Variants in PCDHGB2 observed in about 807,000 individuals in gnomAD.
The protein encoded by PCDHGB2 is protocadherin gamma-B2.
Under a neutral mutation model 59.3 loss-of-function variants are expected in PCDHGB2, and 55 were observed. That is an observed-to-expected ratio of 0.93 (90% CI 0.75 to 1.16). The LOEUF (loss-of-function observed/expected upper bound fraction) is 1.16. Among genes scored for constraint, PCDHGB2 ranks in the 50% most tolerant of loss-of-function variants. PCDHGB2 has a pLI of 0.00. For missense variants in PCDHGB2, 1,228 were observed against 1,198.5 expected, an observed-to-expected ratio of 1.02 and a Z score of -0.36; for synonymous variants, 516 against 512.0, an observed-to-expected ratio of 1.01 and a Z score of -0.11.
chr5:141,505,343 G>C (rs2099845454), intron 2 of PCDHGB2, 50 bp from the exon 3 acceptor site: 1 of 1,612,934 alleles, frequency 6.2e-7, no homozygotes, highest in Non-Finnish European at 8.5e-7. Context: ...GGAGGGGCAT[G>C]AGCTGTGCCG....
rs1210691847 is a variant in PCDHGB2, at chr5:141,432,985, C to T, written c.2422-61822C>T. The stretch of plus-strand genomic sequence containing the variant: ...GAGCGCCGGCGTCGCACTTTGTGGG[C>T]GTGGACGGGGTGCAGGCTTTCCTGC... On this transcript the variant is annotated intron_variant, in intron 1 of 3. Transcript: ENST00000522605. The surrounding 1 kb of genome is among the most constrained non-coding windows in gnomAD (Gnocchi z 6.0). The T allele has an allele frequency of 3.1e-6, 5 of 1,614,176 alleles. No individual in the cohort carries two copies. The highest frequency in any genetic ancestry group is 4.2e-6 in the Non-Finnish European group (5 of 1,180,034).
Position 141,494,770 on chromosome 5 carries a change from C to T in PCDHGB2, c.2422-37C>T, listed in dbSNP as rs767006872. 43 of 1,614,022 alleles carry T rather than the reference C, an allele frequency of 2.7e-5. No homozygotes were observed. In the East Asian group the frequency reaches 7.6e-4, roughly 28 times the overall value. On this transcript the variant is annotated intron_variant, in intron 1 of 3. Coordinates refer to ENST00000522605, the MANE Select transcript of PCDHGB2 (RefSeq NM_018923.3). ...GCTCGGGTGACATTCTAACTTCTCA[C>T]GGGTACTCAGCCCCTTTCCCTCTGT...
In PCDHGB2 at chr5:141,486,070, T is replaced by G; in HGVS notation, c.2422-8737T>G. The G allele has an allele frequency of 6.2e-7, 1 of 1,614,158 alleles. No individual in the cohort carries two copies. Among genetic ancestry groups the G allele is most frequent in the Non-Finnish European group, 8.5e-7 (1 of 1,180,010 alleles). On this transcript the variant is annotated intron_variant, in intron 1 of 3. Coordinates refer to ENST00000522605, the MANE Select transcript of PCDHGB2 (RefSeq NM_018923.3). This position sits in a 1 kb window ranked among gnomAD's most constrained non-coding sequence, Gnocchi z 5.0. ...ACCTCTTTAGCCTGCACCCCACTAC[T>G]GGAAAGCTTACTCTTTTGGGGCCCC...
At chr5:141,413,316 T>C (rs769316460) in intron 1 of PCDHGB2, 13 of 1,613,976 alleles carry the variant, frequency 8.1e-6, no homozygotes, top group Non-Finnish European at 1.1e-5. Flanking sequence ...AGAAAGGCTC[T>C]TTCGTGGGCA....
chr5:141,392,931 G>A (rs2092632355), intron 1 of PCDHGB2: 2 of 1,613,802 alleles, frequency 1.2e-6, no homozygotes, highest in Admixed American at 1.7e-5. Context: ...AGAAGAGACG[G>A]ACAAAGGCTC....
intron 1 of PCDHGB2, chr5:141,388,620 G>A (rs2091421768): frequency 6.2e-7 from 1 of 1,613,912 alleles, no homozygotes; most frequent in East Asian, 2.2e-5. Flanking sequence ...CAGTCAAGAC[G>A]TATACAGGGT....
Position 141,423,257 on chromosome 5 carries a change from G to T in PCDHGB2, c.2421+60701G>T, listed in dbSNP as rs1412429501. ...ATCCCCGAAGTCCTGGCGGACCTCG[G>T]CAGCCTCGAGTCTCTGGCTAACTCT... On this transcript the variant is annotated intron_variant, in intron 1 of 3. Transcript: ENST00000522605. The T allele has an allele frequency of 8.7e-6, 14 of 1,613,946 alleles. No individual in the cohort carries two copies. The highest frequency in any genetic ancestry group is 1.3e-5 in the African/African-American group (1 of 75,060).
Position 141,414,535 on chromosome 5 carries a change from C to T in PCDHGB2, c.2421+51979C>T, listed in dbSNP as rs2095756820. The T allele has an allele frequency of 6.2e-7, 1 of 1,613,962 alleles. No individual in the cohort carries two copies. On this transcript the variant is annotated intron_variant, in intron 1 of 3. Coordinates refer to ENST00000522605, the MANE Select transcript of PCDHGB2 (RefSeq NM_018923.3). The stretch of plus-strand genomic sequence containing the variant: ...AGTGGCAGATATCAATGACAACCCA[C>T]CTACCTTCTCTCAAGTCTCCTACTT...
At position 141,487,267 on chromosome 5, in the gene PCDHGB2, G is replaced by A; in HGVS notation, c.2422-7540G>A. 3 of 1,614,134 alleles carry A rather than the reference G, an allele frequency of 1.9e-6. No individual in the cohort carries two copies. The highest frequency in any genetic ancestry group is 2.5e-6 in the Non-Finnish European group (3 of 1,180,024). ...CCCTCTACTTGGCTGTGTCCCTAGT[G>A]GCAATTTGCTTTGTCTCCTTTGGCT... is the stretch of plus-strand genomic sequence containing the variant. On this transcript the variant is annotated intron_variant, in intron 1 of 3. Transcript: ENST00000522605. The surrounding 1 kb of genome is among the most constrained non-coding windows in gnomAD (Gnocchi z 5.0).
chr5:141,418,589 C>T (rs184213052), intron 1 of PCDHGB2: 13 of 1,613,896 alleles, frequency 8.1e-6, no homozygotes, highest in African/African-American at 6.7e-5. Flanking sequence ...AGTGTTCAGC[C>T]AGGACGTGTA....
At position 141,366,840 on chromosome 5, in the gene PCDHGB2, T is replaced by C. The variant is rs1006582691; in HGVS notation, c.2421+4284T>C. Reference sequence around the variant, plus strand: ...TGTCATATTCAGAATCAGCTAGTTATGTAAATAGTGGAACATTATTTGCTG... The same window carrying C: ...TGTCATATTCAGAATCAGCTAGTTACGTAAATAGTGGAACATTATTTGCTG... On this transcript the variant is annotated intron_variant, in intron 1 of 3. Coordinates refer to ENST00000522605, the MANE Select transcript of PCDHGB2 (RefSeq NM_018923.3). The C allele has an allele frequency of 1.2e-5, 18 of 1,493,738 alleles. No homozygotes were observed. The East Asian group carries it at 1.4e-4, about 11-fold the overall frequency. 92.5% of individuals were successfully genotyped at this position (1,493,738 alleles called of 1,614,324 possible). A position where few individuals can be genotyped will look rare whatever the true frequency, so the allele number is the denominator to read the frequency against.
intron 3 of PCDHGB2, among the ~76,000 whole-genome samples, chr5:141,506,198 C>T (rs985517638): frequency 3.3e-5 from 5 of 152,156 alleles, no homozygotes; most frequent in Admixed American, 6.5e-5. Context: ...CGCCTGTAAT[C>T]CCAGCACTTT....
chr5:141,456,554 G>A (rs1003323522), intron 1 of PCDHGB2, among the ~76,000 whole-genome samples: 2 of 152,202 alleles, frequency 1.3e-5, no homozygotes, highest in Non-Finnish European at 2.9e-5. Flanking sequence ...GCCACTCGGG[G>A]CTGAAGCCCA....
chr5:141,397,407 G>C (rs1383716790), intron 1 of PCDHGB2, among the ~76,000 whole-genome samples: 1 of 152,108 alleles, frequency 6.6e-6, no homozygotes. Context: ...TTACAAAATA[G>C]TTTTAAATAG....
At chr5:141,481,193 A>AT (rs1437708630) in intron 1 of PCDHGB2, among the ~76,000 whole-genome samples, 4 of 152,216 alleles carry the variant, frequency 2.6e-5, no homozygotes, top group African/African-American at 7.2e-5. Context: ...GCCAGGCCCA[A>AT]TTTTTTTAAA....
intron 1 of PCDHGB2, among the ~76,000 whole-genome samples, chr5:141,453,479 A>G (rs1345415084): frequency 1.3e-5 from 2 of 152,082 alleles, no homozygotes; most frequent in Non-Finnish European, 2.9e-5. Context: ...AGTCAAAACT[A>G]TTAAAAAAAG....
At chr5:141,435,446 G>A (rs889481920) in intron 1 of PCDHGB2, among the ~76,000 whole-genome samples, 12 of 152,060 alleles carry the variant, frequency 7.9e-5, no homozygotes, top group Admixed American at 6.6e-4. Context: ...TCATTAATAC[G>A]ATATCTGTAT....
intron 1 of PCDHGB2, chr5:141,383,938 G>T (rs764534858): frequency 5.0e-6 from 8 of 1,613,866 alleles, no homozygotes; most frequent in Non-Finnish European, 5.9e-6. Context: ...TGCTCCAGAA[G>T]TGACTATGAC....
At chr5:141,403,416 C>T in intron 1 of PCDHGB2, 1 of 1,614,034 alleles carries the variant, frequency 6.2e-7, no homozygotes, top group Non-Finnish European at 8.5e-7. Context: ...TATCCACTTC[C>T]AGAAGCTATT....
Sources: gnomAD v4.1 joint callset for allele counts (sites outside exome capture counted in the v4.1 genomes callset) on GRCh38, gnomAD v4.1.1 for gene constraint, Gnocchi (gnomAD v3.1) non-coding constraint, MANE v1.5 for transcripts, NCBI Gene and HGNC (gene_info 2026-07-23, HGNC 2026-07-21) for gene names.